Variants in MAP7 observed in about 807,000 individuals in gnomAD.
MAP7 encodes the protein microtubule associated protein 7.
In MAP7, 52 loss-of-function variants were observed where a neutral mutation model predicts 94.8. The observed-to-expected ratio is 0.55, with a 90% CI of 0.44 to 0.69. The LOEUF (loss-of-function observed/expected upper bound fraction) is 0.69. MAP7 is among the 30% of genes least tolerant of loss of function. The probability of loss-of-function intolerance (pLI) is 0.00; values close to 1 mark genes in which losing one functional copy is unlikely to be tolerated. For synonymous variants in MAP7, 350 were observed against 357.0 expected (o/e 0.98, Z 0.22); for missense variants, 940 against 964.6 (o/e 0.97, Z 0.34).
chr6:136,415,867 A>T (rs936104032), intron 2 of MAP7, among the ~76,000 whole-genome samples: 1 of 152,262 alleles, frequency 6.6e-6, no homozygotes, highest in South Asian at 2.1e-4. Context: ...TTGAGGAAGT[A>T]AAGAAATGTA....
chr6:136,359,703 T>G, intron 15 of MAP7, 117 bp downstream of exon 15: 1 of 924,544 alleles, frequency 1.1e-6, no homozygotes, highest in Non-Finnish European at 1.7e-6. Context: ...TAAGCTTCTG[T>G]GAGTCTGTAA....
At chr6:136,452,204 A>G (rs1582953496) in intron 1 of MAP7, among the ~76,000 whole-genome samples, 1 of 139,994 alleles carries the variant, frequency 7.1e-6, no homozygotes, top group South Asian at 2.1e-4. Flanking sequence ...AAACAAAACA[A>G]AACAAAACAA....
At chr6:136,356,050 T>G (rs1279842957) in intron 16 of MAP7, among the ~76,000 whole-genome samples, 1 of 152,224 alleles carries the variant, frequency 6.6e-6, no homozygotes, top group Admixed American at 6.5e-5. Flanking sequence ...AACAAACATG[T>G]AAGTCACTGT....
At chr6:136,469,346 TCTTG>T (rs1413916170) in intron 1 of MAP7, among the ~76,000 whole-genome samples, 1 of 151,952 alleles carries the variant, frequency 6.6e-6, no homozygotes, top group Non-Finnish European at 1.5e-5. Context: ...CTACTTTCTT[TCTTG>T]CTTGCTTGCT....
intron 1 of MAP7, chr6:136,526,468 G>C (rs1013826524): frequency 4.4e-5 from 43 of 985,798 alleles, no homozygotes; most frequent in Non-Finnish European, 5.1e-5. Context: ...GGGAAAATAT[G>C]ATATGCTGCC....
chr6:136,351,676 C>G (rs183763711), intron 16 of MAP7, among the ~76,000 whole-genome samples: 107 of 152,302 alleles, frequency 7.0e-4, no homozygotes, highest in African/African-American at 2.1e-3. Context: ...AATATTCAAA[C>G]AGCTGAAGGA....
chr6:136,475,410 AT>A lies in MAP7; in HGVS notation c.68-53612del, dbSNP rs778557101. Among the ~76,000 whole-genome samples, 17 of 152,342 alleles carry A rather than the reference AT, an allele frequency of 1.1e-4. No homozygotes were observed. In the East Asian group the frequency reaches 2.9e-3, roughly 26 times the overall value. On this transcript the variant is annotated intron_variant, in intron 1 of 17. Coordinates refer to ENST00000354570, the MANE Select transcript of MAP7 (RefSeq NM_003980.6). Reference sequence around the variant, plus strand: ...GAGAATTAGCATTTTTGGAGAATATATTATCATTTTAATACAAATTTTGCCA... The same window carrying A: ...GAGAATTAGCATTTTTGGAGAATATATATCATTTTAATACAAATTTTGCCA...
chr6:136,352,504 C>T (rs951239822), intron 16 of MAP7, among the ~76,000 whole-genome samples: 1 of 152,142 alleles, frequency 6.6e-6, no homozygotes, highest in African/African-American at 2.4e-5. Flanking sequence ...CTTTAGAATT[C>T]TCTTTCTTTT....
intron 1 of MAP7, among the ~76,000 whole-genome samples, chr6:136,431,492 CTTTATTTATTTA>C (rs10562140): frequency 1.1e-4 from 16 of 145,460 alleles, no homozygotes; most frequent in African/African-American, 2.8e-4. Context: ...CTTTTTAATG[CTTTATTTATTTA>C]TTTATTTATT....
At chr6:136,543,465 T>C (rs1057248031) in intron 1 of MAP7, among the ~76,000 whole-genome samples, 1 of 150,830 alleles carries the variant, frequency 6.6e-6, no homozygotes, top group South Asian at 2.1e-4. Context: ...CCTGATGGGG[T>C]TTAGTAGAAA....
intron 3 of MAP7, among the ~76,000 whole-genome samples, chr6:136,404,415 C>T (rs1292038606): frequency 6.7e-6 from 1 of 149,992 alleles, no homozygotes; most frequent in African/African-American, 2.4e-5. Context: ...AAAAAAGCCC[C>T]TCACATATAA....
chr6:136,380,201 G>A (rs1777369163), intron 6 of MAP7, among the ~76,000 whole-genome samples: 1 of 152,094 alleles, frequency 6.6e-6, no homozygotes, highest in East Asian at 1.9e-4. Context: ...AGGCCTCTGG[G>A]GGCCATGCAA....
intron 1 of MAP7, among the ~76,000 whole-genome samples, chr6:136,541,794 C>G (rs533782171): frequency 2.0e-4 from 31 of 152,304 alleles, no homozygotes; most frequent in African/African-American, 7.2e-4. Context: ...AGTGGTGGCT[C>G]CCACCTGTAA....
Position 136,509,441 on chromosome 6 carries a change from T to C in MAP7, c.67+40901A>G, listed in dbSNP as rs569180196. On this transcript the variant is annotated intron_variant, in intron 1 of 17. Coordinates refer to ENST00000354570, the MANE Select transcript of MAP7 (RefSeq NM_003980.6). ...ATTTTTTTAAGTTTTTTTGTAAAGA[T>C]GCAGTCTTGCTATGTTGCCCAGGCT... 5.3e-5 allele frequency among the ~76,000 whole-genome samples: 8 copies of C among 152,314 alleles called. No homozygotes were observed. In the South Asian group the frequency reaches 1.4e-3, roughly 28 times the overall value.
intron 1 of MAP7, among the ~76,000 whole-genome samples, chr6:136,468,482 A>G (rs1807878400): frequency 1.3e-5 from 2 of 152,204 alleles, no homozygotes; most frequent in Non-Finnish European, 2.9e-5. Context: ...ATGTCCTGAT[A>G]AGCCCATTAT....
chr6:136,412,932 G>T (rs557389876), intron 2 of MAP7, among the ~76,000 whole-genome samples: 33 of 152,012 alleles, frequency 2.2e-4, no homozygotes, highest in Non-Finnish European at 4.7e-4. Context: ...AGGCCGAGGC[G>T]GGTGGATTGC....
At chr6:136,383,439 C>T (rs563370485) in intron 6 of MAP7, among the ~76,000 whole-genome samples, 73 of 152,336 alleles carry the variant, frequency 4.8e-4, no homozygotes, top group Non-Finnish European at 9.6e-4. Context: ...AGAAGCACCG[C>T]TTTCGTCACT....
intron 1 of MAP7, among the ~76,000 whole-genome samples, chr6:136,502,901 C>G (rs1257329880): frequency 1.3e-5 from 2 of 152,040 alleles, no homozygotes; most frequent in African/African-American, 2.4e-5. Context: ...TGATATATGG[C>G]TGAGCTGAAA....
intron 3 of MAP7, among the ~76,000 whole-genome samples, chr6:136,402,043 C>G (rs148439870): frequency 6.6e-6 from 1 of 152,258 alleles, no homozygotes; most frequent in African/African-American, 2.4e-5. Context: ...CCTGTCCAAC[C>G]CCTTGGACTG....
Sources: gnomAD v4.1 joint callset for allele counts (sites outside exome capture counted in the v4.1 genomes callset) on GRCh38, gnomAD v4.1.1 for gene constraint, MANE v1.5 for transcripts, NCBI Gene and HGNC (gene_info 2026-07-23, HGNC 2026-07-21) for gene names.